Variants in MBNL2 observed in about 807,000 individuals in gnomAD.
The protein encoded by MBNL2 is muscleblind-like protein 2.
MBNL2 carries 17 observed loss-of-function variants against 41.9 expected under a neutral mutation model. The observed-to-expected ratio is 0.41, with a 90% CI of 0.28 to 0.61. The LOEUF (loss-of-function observed/expected upper bound fraction) is 0.61. MBNL2 is among the 20% of genes least tolerant of loss of function. MBNL2 has a pLI of 0.35. For synonymous variants in MBNL2, 195 were observed against 182.9 expected (o/e 1.07, Z -0.53); for missense variants, 336 against 505.6 (o/e 0.66, Z 3.22).
At chr13:97,162,710 A>C in the MBNL2 span, among the ~76,000 whole-genome samples, 1 of 152,260 alleles carries the variant, frequency 6.6e-6, no homozygotes, top group Non-Finnish European at 1.5e-5. Flanking sequence ...CCACCAGCAC[A>C]GACTGGCTGG....
At chr13:97,324,240 T>C (rs1436830806) in intron 2 of MBNL2, among the ~76,000 whole-genome samples, 1 of 152,188 alleles carries the variant, frequency 6.6e-6, no homozygotes, top group Non-Finnish European at 1.5e-5. Flanking sequence ...TTGATCACTC[T>C]ATTTTAATTG....
the MBNL2 span, among the ~76,000 whole-genome samples, chr13:97,155,409 ATTATAC>A: frequency 7.4e-4 from 100 of 134,938 alleles, no homozygotes; most frequent in African/African-American, 2.7e-3. Flanking sequence ...TTTTTTTATT[ATTATAC>A]TTTAAGTTTT....
the MBNL2 span, among the ~76,000 whole-genome samples, chr13:97,210,902 G>T: frequency 2.0e-5 from 3 of 151,956 alleles, no homozygotes; most frequent in African/African-American, 7.3e-5. Context: ...TTCCTGGTGT[G>T]GGAAGGATTT....
chr13:97,206,232 A>C, the MBNL2 span, among the ~76,000 whole-genome samples: 1 of 152,154 alleles, frequency 6.6e-6, no homozygotes, highest in Non-Finnish European at 1.5e-5. Flanking sequence ...CTCAGAGAGC[A>C]AGCCACGTAG....
intron 5 of MBNL2, among the ~76,000 whole-genome samples, chr13:97,353,455 GAT>G (rs1202920366): frequency 6.6e-6 from 1 of 152,156 alleles, no homozygotes; most frequent in Non-Finnish European, 1.5e-5. Context: ...AGAGTTAGAA[GAT>G]ATTAATATTC....
chr13:97,248,564 A>G (rs1490078982), intron 1 of MBNL2, among the ~76,000 whole-genome samples: 1 of 152,256 alleles, frequency 6.6e-6, no homozygotes. Flanking sequence ...ACCTGAGCCA[A>G]CCATTCCCAA....
chr13:97,385,536 C>T (rs2065855792), intron 8 of MBNL2, among the ~76,000 whole-genome samples: 1 of 152,088 alleles, frequency 6.6e-6, no homozygotes, highest in South Asian at 2.1e-4. Context: ...GGAATGTTTT[C>T]CTATCAATTA....
At chr13:97,182,356 A>T in the MBNL2 span, among the ~76,000 whole-genome samples, 2 of 152,360 alleles carry the variant, frequency 1.3e-5, no homozygotes, top group African/African-American at 4.8e-5. Flanking sequence ...GTGACAGATA[A>T]CAGAACTAAT....
At chr13:97,302,575 T>G (rs1031681934) in intron 2 of MBNL2, among the ~76,000 whole-genome samples, 7 of 152,190 alleles carry the variant, frequency 4.6e-5, no homozygotes, top group Non-Finnish European at 7.3e-5. Context: ...ATTGGGCCCA[T>G]TTTGTGGATG....
intron 1 of MBNL2, among the ~76,000 whole-genome samples, chr13:97,229,597 G>C (rs2042110399): frequency 6.6e-6 from 1 of 152,104 alleles, no homozygotes; most frequent in African/African-American, 2.4e-5. Context: ...TGTTTGGAGA[G>C]GCCAGTGGTC....
chr13:97,200,507 T>A, the MBNL2 span, among the ~76,000 whole-genome samples: 1 of 152,240 alleles, frequency 6.6e-6, no homozygotes, highest in African/African-American at 2.4e-5. Flanking sequence ...TTTCTACTTA[T>A]AATATTTACA....
intron 1 of MBNL2, among the ~76,000 whole-genome samples, chr13:97,237,685 G>A (rs982799429): frequency 1.3e-5 from 2 of 152,226 alleles, no homozygotes; most frequent in African/African-American, 4.8e-5. Context: ...AGCATGAAGT[G>A]CAGTCTAGGG....
intron 3 of MBNL2, among the ~76,000 whole-genome samples, chr13:97,340,929 C>T (rs1471824826): frequency 6.6e-6 from 1 of 152,114 alleles, no homozygotes; most frequent in African/African-American, 2.4e-5. Flanking sequence ...TCAATCCTAT[C>T]GACAAAGCAA....
intron 2 of MBNL2, among the ~76,000 whole-genome samples, chr13:97,303,660 G>A (rs1246513283): frequency 2.0e-5 from 3 of 152,216 alleles, no homozygotes; most frequent in African/African-American, 4.8e-5. Flanking sequence ...TTCCTGCTCC[G>A]GTGGCAGAAT....
chr13:97,174,886 C>T, the MBNL2 span, among the ~76,000 whole-genome samples: 1 of 152,134 alleles, frequency 6.6e-6, no homozygotes, highest in Non-Finnish European at 1.5e-5. Flanking sequence ...CTGATGATGG[C>T]ATCTTCAGTC....
intron 1 of MBNL2, among the ~76,000 whole-genome samples, chr13:97,248,357 G>A (rs60259333): frequency 0.026 from 3,983 of 152,272 alleles, 63 homozygotes; most frequent in South Asian, 0.11. Flanking sequence ...GGCTGGTCTT[G>A]AACTCTCGAC....
intron 2 of MBNL2, among the ~76,000 whole-genome samples, chr13:97,328,670 A>C (rs2060119358): frequency 6.6e-6 from 1 of 152,228 alleles, no homozygotes; most frequent in African/African-American, 2.4e-5. Flanking sequence ...AGCGGAATAC[A>C]AATGGCGGGG....
chr13:97,359,739 A>G (rs9584561), intron 7 of MBNL2, among the ~76,000 whole-genome samples: 1 of 152,088 alleles, frequency 6.6e-6, no homozygotes, highest in Non-Finnish European at 1.5e-5. Context: ...GTCCTAGCGC[A>G]CCAATACAGT....
chr13:97,389,780 TTAAAAG>T (rs1428026674), intron 8 of MBNL2, among the ~76,000 whole-genome samples: 1 of 152,074 alleles, frequency 6.6e-6, no homozygotes, highest in Non-Finnish European at 1.5e-5. Flanking sequence ...AACTTTTTTT[TTAAAAG>T]TAAAAGAAAA....
Sources: gnomAD v4.1 joint callset for allele counts (sites outside exome capture counted in the v4.1 genomes callset) on GRCh38, gnomAD v4.1.1 for gene constraint, MANE v1.5 for transcripts, NCBI Gene and HGNC (gene_info 2026-07-23, HGNC 2026-07-21) for gene names.